The following ZNF438 variants were observed in gnomAD, a reference collection of about 807,000 sequenced individuals.
ZNF438 encodes zinc finger protein 438.
ZNF438 carries 25 observed loss-of-function variants against 38.0 expected under a neutral mutation model. That is an observed-to-expected ratio of 0.66 (90% CI 0.48 to 0.92). ZNF438 has a LOEUF of 0.92. ZNF438 is among the 40% of genes least tolerant of loss of function. The pLI is 0.00. For synonymous variants in ZNF438, 372 were observed against 364.1 expected (o/e 1.02, Z -0.25); for missense variants, 1,007 against 999.6 (o/e 1.01, Z -0.10).
chr10:30,853,678 C>G (rs991461821), intron 4 of ZNF438, among the ~76,000 whole-genome samples: 1 of 152,232 alleles, frequency 6.6e-6, no homozygotes, highest in Non-Finnish European at 1.5e-5. Context: ...GCTCCCTCTT[C>G]CTGTTTCATT....
chr10:30,877,904 A>G (rs2038677672), intron 3 of ZNF438, among the ~76,000 whole-genome samples: 1 of 152,234 alleles, frequency 6.6e-6, no homozygotes, highest in Non-Finnish European at 1.5e-5. Flanking sequence ...AATATTTTTA[A>G]AGTAAGAAAA....
chr10:31,004,079 C>T (rs768187245), intron 1 of ZNF438, among the ~76,000 whole-genome samples: 1 of 152,056 alleles, frequency 6.6e-6, no homozygotes, highest in Non-Finnish European at 1.5e-5. Context: ...TTTTATGCAC[C>T]CAGGAGACAT....
chr10:30,859,780 G>A (rs1405650214), intron 4 of ZNF438, among the ~76,000 whole-genome samples: 11 of 152,146 alleles, frequency 7.2e-5, no homozygotes, highest in East Asian at 5.8e-4. Context: ...GAGACTATCA[G>A]GTTGTTGACA....
At chr10:30,936,211 T>A (rs2135411234) in intron 2 of ZNF438, among the ~76,000 whole-genome samples, 1 of 152,274 alleles carries the variant, frequency 6.6e-6, no homozygotes, top group South Asian at 2.1e-4. Flanking sequence ...ATTTGCAAAA[T>A]GGAGTTAAAG....
intron 1 of ZNF438, among the ~76,000 whole-genome samples, chr10:30,998,402 G>A (rs1350004622): frequency 1.3e-5 from 2 of 151,454 alleles, no homozygotes; most frequent in African/African-American, 4.9e-5. Flanking sequence ...AATTAGCCGG[G>A]CATGGTGGCG....
intron 1 of ZNF438, among the ~76,000 whole-genome samples, chr10:31,020,235 G>A (rs759567258): frequency 2.1e-4 from 32 of 152,262 alleles, no homozygotes; most frequent in Non-Finnish European, 3.7e-4. Flanking sequence ...ACAATCAAAA[G>A]GGTGAGATTG....
chr10:30,951,412 G>C (rs2048178837), intron 1 of ZNF438, among the ~76,000 whole-genome samples: 1 of 151,366 alleles, frequency 6.6e-6, no homozygotes, highest in South Asian at 2.1e-4. Flanking sequence ...AATTAGGCAG[G>C]AGAAGGAAAT....
intron 1 of ZNF438, among the ~76,000 whole-genome samples, chr10:31,020,298 C>T (rs1267956966): frequency 1.3e-5 from 2 of 152,170 alleles, no homozygotes; most frequent in Non-Finnish European, 2.9e-5. Context: ...CAGGGACACA[C>T]TTCCAAGTTG....
intron 1 of ZNF438, among the ~76,000 whole-genome samples, chr10:30,978,168 A>G (rs1485662315): frequency 6.6e-6 from 1 of 152,236 alleles, no homozygotes; most frequent in African/African-American, 2.4e-5. Context: ...ACTACCAAAC[A>G]TCGATTCAAG....
At chr10:30,861,660 T>C (rs1263240860) in intron 4 of ZNF438, among the ~76,000 whole-genome samples, 4 of 137,000 alleles carry the variant, frequency 2.9e-5, no homozygotes, top group African/African-American at 1.2e-4. Context: ...GAATTTCTTC[T>C]TCATTCTAAT....
intron 3 of ZNF438, among the ~76,000 whole-genome samples, chr10:30,903,092 A>G (rs2042216039): frequency 6.6e-6 from 1 of 152,132 alleles, no homozygotes; most frequent in South Asian, 2.1e-4. Flanking sequence ...AGCCGCTCCC[A>G]GTGCGGGGCC....
chr10:30,956,056 A>AATAAACT (rs895763733), intron 1 of ZNF438, among the ~76,000 whole-genome samples: 14 of 152,228 alleles, frequency 9.2e-5, no homozygotes, highest in Non-Finnish European at 1.3e-4. Context: ...CGTCTTACTA[A>AATAAACT]ATAAACTATT....
At chr10:31,029,531 A>C (rs1452310705) in intron 1 of ZNF438, among the ~76,000 whole-genome samples, 1 of 152,090 alleles carries the variant, frequency 6.6e-6, no homozygotes, top group Non-Finnish European at 1.5e-5. Context: ...AAAACGTATC[A>C]CCAATTCTAC....
intron 4 of ZNF438, chr10:30,875,386 T>TGA: frequency 3.0e-6 from 3 of 984,176 alleles, no homozygotes; most frequent in Non-Finnish European, 3.6e-6. Flanking sequence ...ATGAGAAAAC[T>TGA]GAGGCTCAGG....
chr10:30,933,285 AAT>A (rs1415432762), intron 2 of ZNF438, among the ~76,000 whole-genome samples: 10 of 152,202 alleles, frequency 6.6e-5, no homozygotes, highest in African/African-American at 1.9e-4. Flanking sequence ...CCTCCCATCT[AAT>A]AGAGGCAGCT....
chr10:30,852,058 G>A (rs61845696), intron 4 of ZNF438, among the ~76,000 whole-genome samples: 20,603 of 151,456 alleles, frequency 0.14, 1,634 homozygotes, highest in Non-Finnish European at 0.18. Context: ...AGCTACTGGC[G>A]AGGCTGAGGC....
intron 1 of ZNF438, among the ~76,000 whole-genome samples, chr10:30,978,565 T>C (rs887519859): frequency 1.3e-5 from 2 of 152,164 alleles, no homozygotes; most frequent in African/African-American, 4.8e-5. Context: ...AATCAAGATA[T>C]AGAACACAAC....
intron 1 of ZNF438, among the ~76,000 whole-genome samples, chr10:30,948,153 C>A (rs536230078): frequency 1.3e-5 from 2 of 152,276 alleles, no homozygotes; most frequent in East Asian, 1.9e-4. Context: ...ACATCTCACA[C>A]GGCAGGGTAT....
exon 5 of ZNF438, chr10:30,849,061 G>A: frequency 6.2e-7 from 1 of 1,614,126 alleles, no homozygotes; most frequent in Non-Finnish European, 8.5e-7. Context: ...AAGCCAGGGA[G>A]GCCAAAGTGG....
Sources: gnomAD v4.1 joint callset for allele counts (sites outside exome capture counted in the v4.1 genomes callset) on GRCh38, gnomAD v4.1.1 for gene constraint, MANE v1.5 for transcripts, NCBI Gene and HGNC (gene_info 2026-07-23, HGNC 2026-07-21) for gene names.